The following RBFOX3 variants were observed in gnomAD, a reference collection of about 807,000 sequenced individuals.
The protein encoded by RBFOX3 is RNA binding protein fox-1 homolog 3.
Under a neutral mutation model 48.7 loss-of-function variants are expected in RBFOX3, and 17 were observed. The ratio of observed to expected loss-of-function variants is 0.35; its 90% CI spans 0.24 to 0.52. RBFOX3 has a LOEUF of 0.52. RBFOX3 is among the 20% of genes least tolerant of loss of function. RBFOX3 has a pLI of 0.94. For missense variants in RBFOX3, 382 were observed against 497.5 expected (o/e 0.77, Z 2.21); for synonymous variants, 212 against 209.5 (o/e 1.01, Z -0.10).
rs901471014 is a variant in RBFOX3, at chr17:79,195,337, G to A, written c.-34+40429C>T. Among the ~76,000 whole-genome samples, 6 of 152,094 alleles carry A rather than the reference G, an allele frequency of 3.9e-5. No individual in the cohort carries two copies. Among genetic ancestry groups the A allele is most frequent in the African/African-American group, 1.4e-4 (6 of 41,394 alleles). On this transcript the variant is annotated intron_variant, in intron 4 of 14. Transcript: ENST00000693108. This position sits in a 1 kb window ranked among gnomAD's most constrained non-coding sequence, Gnocchi z 5.3. ...CAATCACTTGAACCCAGGAGGCAGA[G>A]GTTGCAGTGAGTTGACATTGCACCA...
chr17:79,131,709 G>T (rs73401907), intron 4 of RBFOX3, among the ~76,000 whole-genome samples: 1 of 152,098 alleles, frequency 6.6e-6, no homozygotes, highest in Non-Finnish European at 1.5e-5. Context: ...TTGGAAGAAG[G>T]GGTCAGATAT....
intron 4 of RBFOX3, among the ~76,000 whole-genome samples, chr17:79,125,027 T>C (rs1568177600): frequency 6.6e-6 from 1 of 152,200 alleles, no homozygotes; most frequent in African/African-American, 2.4e-5. Context: ...TCGCCAGTTC[T>C]GGGGTCCTGT....
At position 79,385,867 on chromosome 17, in the gene RBFOX3, C is replaced by T. The variant is rs370034202; in HGVS notation, c.-174-78043G>A. On this transcript the variant is annotated intron_variant, in intron 2 of 14. Transcript: ENST00000693108. Reference sequence around the variant, plus strand: ...TCACCCTCCATTGCAGACAGGAGCTCCATCACCTCCTGTAACAGATGGGGG... The same window carrying T: ...TCACCCTCCATTGCAGACAGGAGCTTCATCACCTCCTGTAACAGATGGGGG... Among the ~76,000 whole-genome samples, 8 of 144,308 alleles carry T rather than the reference C, an allele frequency of 5.5e-5. No homozygotes were observed. The East Asian group carries it at 1.7e-3, about 30-fold the overall frequency. The allele number at this position is 144,308 out of a possible 152,430, so 94.7% of individuals were successfully genotyped here.
At chr17:79,574,906 T>C (rs2092806239) in intron 1 of RBFOX3, among the ~76,000 whole-genome samples, 2 of 152,288 alleles carry the variant, frequency 1.3e-5, no homozygotes, top group South Asian at 2.1e-4. Context: ...AAGGGCAGGT[T>C]CTGAGTCAGC....
At chr17:79,315,885 G>C (rs1361518570) in intron 2 of RBFOX3, among the ~76,000 whole-genome samples, 6 of 152,104 alleles carry the variant, frequency 3.9e-5, no homozygotes, top group African/African-American at 1.4e-4. Context: ...GGCCTCCCGA[G>C]CTAACCCTGG....
chr17:79,119,718 CA>C (rs748691996), intron 4 of RBFOX3, among the ~76,000 whole-genome samples: 3 of 152,174 alleles, frequency 2.0e-5, no homozygotes, highest in Admixed American at 6.5e-5. Flanking sequence ...CAGCGTGACT[CA>C]GGGGGTCTTA....
intron 3 of RBFOX3, among the ~76,000 whole-genome samples, chr17:79,265,131 C>A (rs922535101): frequency 8.5e-5 from 13 of 152,322 alleles, no homozygotes; most frequent in Non-Finnish European, 1.8e-4. Flanking sequence ...TCCAGCCCCC[C>A]GTTCCAAAGG....
At chr17:79,596,665 C>A (rs2093577312) in intron 1 of RBFOX3, among the ~76,000 whole-genome samples, 1 of 152,234 alleles carries the variant, frequency 6.6e-6, no homozygotes, top group South Asian at 2.1e-4. Context: ...AGACATGGAT[C>A]AGCTGCAGCC....
Position 79,434,745 on chromosome 17 carries a change from C to T in RBFOX3, c.-175+47709G>A, listed in dbSNP as rs549162655. The stretch of plus-strand genomic sequence containing the variant: ...GGAAGAGAGGATTCAATTCATAGTA[C>T]TTCAAAATCCTGACTCTGAACTTCA... On this transcript the variant is annotated intron_variant, in intron 2 of 14. Coordinates refer to ENST00000693108, the MANE Select transcript of RBFOX3 (RefSeq NM_001350451.2). 2.0e-5 allele frequency among the ~76,000 whole-genome samples: 3 copies of T among 152,274 alleles called. No homozygotes were observed. The East Asian group carries it at 5.8e-4, about 29-fold the overall frequency.
In RBFOX3 at chr17:79,200,162, C is replaced by CAAAAAAAA. The variant is rs3046721; in HGVS notation, c.-34+35596_-34+35603dup. 5.4e-5 allele frequency among the ~76,000 whole-genome samples: 6 copies of CAAAAAAAA among 110,936 alleles called. 1 individual carries two copies. Among genetic ancestry groups the CAAAAAAAA allele is most frequent in the Admixed American group, 9.9e-5 (1 of 10,114 alleles). The allele number at this position is 110,936 out of a possible 152,430, so 72.8% of individuals were successfully genotyped here. ...TGGGTGACAGAGCGAGACTCCGTCT[C>CAAAAAAAA]AAAAAAAAAAAAAAAAAAAAATTGG... On this transcript the variant is annotated intron_variant, in intron 4 of 14. Coordinates refer to ENST00000693108, the MANE Select transcript of RBFOX3 (RefSeq NM_001350451.2).
intron 1 of RBFOX3, among the ~76,000 whole-genome samples, chr17:79,542,039 CTT>C (rs34678698): frequency 6.9e-6 from 1 of 145,860 alleles, no homozygotes. Context: ...GAGCGTCGAC[CTT>C]TTTTTTTTTT....
intron 2 of RBFOX3, among the ~76,000 whole-genome samples, chr17:79,467,650 T>C (rs1396639894): frequency 2.6e-5 from 4 of 152,130 alleles, no homozygotes; most frequent in African/African-American, 9.7e-5. Flanking sequence ...ACCTGTTCCG[T>C]GGGGCTTAGG....
At chr17:79,298,453 G>A (rs959202880) in intron 3 of RBFOX3, 1 of 152,226 alleles carries the variant, frequency 6.6e-6, no homozygotes, top group African/African-American at 2.4e-5. Flanking sequence ...AGCAACCTTT[G>A]ACTAACAAGG....
At chr17:79,276,977 C>T (rs2068993005) in intron 3 of RBFOX3, among the ~76,000 whole-genome samples, 1 of 152,192 alleles carries the variant, frequency 6.6e-6, no homozygotes, top group African/African-American at 2.4e-5. Context: ...AGTCAGCCAC[C>T]CCATCTGCTA....
intron 3 of RBFOX3, among the ~76,000 whole-genome samples, chr17:79,248,020 A>C (rs1345523204): frequency 6.6e-6 from 1 of 152,214 alleles, no homozygotes; most frequent in East Asian, 1.9e-4. Context: ...AAACAGAGCC[A>C]CCAGAGGCAG....
intron 2 of RBFOX3, among the ~76,000 whole-genome samples, chr17:79,478,363 C>T (rs1346651821): frequency 6.6e-6 from 1 of 152,168 alleles, no homozygotes; most frequent in Non-Finnish European, 1.5e-5. Flanking sequence ...CCACGGCAGG[C>T]TCACACTCAG....
intron 4 of RBFOX3, among the ~76,000 whole-genome samples, chr17:79,180,097 G>A (rs780193122): frequency 2.0e-5 from 3 of 152,186 alleles, no homozygotes; most frequent in Non-Finnish European, 2.9e-5. Flanking sequence ...AAATCATCCC[G>A]GGATGGTCGG....
chr17:79,173,871 A>C (rs1198692792), intron 4 of RBFOX3, among the ~76,000 whole-genome samples: 1 of 141,138 alleles, frequency 7.1e-6, no homozygotes, highest in East Asian at 2.3e-4. Context: ...CCCCACGCTG[A>C]GTACAGAGCT....
chr17:79,285,979 G>A (rs1468295463), intron 3 of RBFOX3, among the ~76,000 whole-genome samples: 1 of 152,188 alleles, frequency 6.6e-6, no homozygotes, highest in Non-Finnish European at 1.5e-5. Flanking sequence ...CACTGCACCC[G>A]GCCTGTGCAT....
Sources: gnomAD v4.1 joint callset for allele counts (sites outside exome capture counted in the v4.1 genomes callset) on GRCh38, gnomAD v4.1.1 for gene constraint, Gnocchi (gnomAD v3.1) non-coding constraint, MANE v1.5 for transcripts, NCBI Gene and HGNC (gene_info 2026-07-23, HGNC 2026-07-21) for gene names.